EP300: variants seen among roughly 807,000 people sequenced by gnomAD.
EP300 encodes EP300 lysine acetyltransferase, also known as histone acetyltransferase p300.
In EP300, 31 loss-of-function variants were observed where a neutral mutation model predicts 264.0. That is an observed-to-expected ratio of 0.12 (90% CI 0.09 to 0.16). EP300 has a LOEUF of 0.16. EP300 is among the 10% of genes least tolerant of loss of function. EP300 has a pLI of 1.00. For missense variants in EP300, 2,766 were observed against 3,052.9 expected, an observed-to-expected ratio of 0.91 and a Z score of 2.21; for synonymous variants, 1,340 against 1,045.4, an observed-to-expected ratio of 1.28 and a Z score of -5.44.
chr22:41,163,985 G>T lies in EP300; in HGVS notation c.3729-68G>T, dbSNP rs1041891970. ...TTGGCTGTCTTTGTCAGAAGTCATG[G>T]GAAATATTGCAAGTTTTCATTTGGT... On this transcript the variant is annotated intron_variant, in intron 21 of 30. Transcript: ENST00000263253. 4.9e-6 allele frequency: 7 copies of T among 1,414,350 alleles called. No individual in the cohort carries two copies. The Admixed American group carries it at 6.7e-5, about 14-fold the overall frequency. 87.6% of individuals were successfully genotyped at this position (1,414,350 alleles called of 1,614,324 possible).
intron 1 of EP300, among the ~76,000 whole-genome samples, chr22:41,101,168 G>C (rs1465283754): frequency 6.6e-6 from 1 of 152,032 alleles, no homozygotes; most frequent in Non-Finnish European, 1.5e-5. Flanking sequence ...TCCATCTCCT[G>C]GGTTCAAGCT....
At position 41,178,022 on chromosome 22, in the gene EP300, C is replaced by G. The variant is rs138584705; in HGVS notation, c.6311C>G (p.Pro2104Arg). Residue 2104 changes from proline (P) to arginine (R), a missense_variant, in exon 31 of 31, where the codon CCT becomes CGT. By Grantham distance (103) the Pro-to-Arg change is moderately radical. Transcript: ENST00000263253. The stretch of plus-strand genomic sequence containing the variant: ...AATCCACAACCCATCCCTGGGCAGC[C>G]TGGCATGCCCCAGGGGCAGCCAGGG... ...NSNPQPIPGQ[P>R]GMPQGQPGLQ... The G allele has an allele frequency of 2.2e-5, 35 of 1,613,968 alleles. No homozygotes were observed. The Admixed American group carries it at 5.5e-4, about 25-fold the overall frequency.
At chr22:41,095,827 G>C (rs1307257833) in intron 1 of EP300, among the ~76,000 whole-genome samples, 2 of 151,976 alleles carry the variant, frequency 1.3e-5, no homozygotes, top group African/African-American at 2.4e-5. Flanking sequence ...CACCAAGAGC[G>C]TTCTAATGTC....
chr22:41,098,834 C>T (rs1201093353), intron 1 of EP300, among the ~76,000 whole-genome samples: 1 of 152,130 alleles, frequency 6.6e-6, no homozygotes, highest in African/African-American at 2.4e-5. Flanking sequence ...CCTGGCTCAA[C>T]CTCCTCACAT....
Position 41,147,911 on chromosome 22 carries a change from C to T in EP300, c.2206C>T (p.His736Tyr), listed in dbSNP as rs1405333535. The T allele has an allele frequency of 6.2e-7, 1 of 1,613,524 alleles. No individual in the cohort carries two copies. Among genetic ancestry groups the T allele is most frequent in the South Asian group, 1.1e-5 (1 of 91,016 alleles). ...VPRQTPPLQHHGQLAQPGALN... is the reference protein window; with the variant it reads ...VPRQTPPLQHYGQLAQPGALN... ...CCGGCAAACCCCTCCTCTTCAGCAC[C>T]ATGGACAGTTGGCTCAACCTGGAGC... The change falls in exon 12 of 31, where the codon CAT becomes TAT. Residue 736 changes from histidine to tyrosine, a missense_variant. Coordinates refer to ENST00000263253, the MANE Select transcript of EP300 (RefSeq NM_001429.4).
intron 2 of EP300, among the ~76,000 whole-genome samples, chr22:41,124,756 A>G (rs896213008): frequency 2.6e-4 from 39 of 152,340 alleles, no homozygotes; most frequent in Non-Finnish European, 4.0e-4. Flanking sequence ...AATGGAAATG[A>G]ATGGCAAACC....
At chr22:41,158,351 C>A in intron 18 of EP300, 61 bp from the exon 19 acceptor site, 1 of 1,381,924 alleles carries the variant, frequency 7.2e-7, no homozygotes, top group Non-Finnish European at 1.0e-6. Context: ...ACTTGCCATT[C>A]TTACTGTTCT....
intron 1 of EP300, among the ~76,000 whole-genome samples, chr22:41,094,859 G>C (rs1052953230): frequency 1.3e-5 from 2 of 152,068 alleles, no homozygotes; most frequent in Non-Finnish European, 2.9e-5. Flanking sequence ...TTTCGTCTTG[G>C]AGCTGTATTG....
intron 1 of EP300, among the ~76,000 whole-genome samples, chr22:41,114,638 C>T (rs1036245306): frequency 2.6e-5 from 4 of 152,088 alleles, no homozygotes; most frequent in Admixed American, 6.6e-5. Flanking sequence ...TGACCATGTG[C>T]TTACTATGTT....
Position 41,149,771 on chromosome 22 carries a change from C to T in EP300, c.2390C>T (p.Ser797Phe). Residue 797 changes from serine to phenylalanine, a missense_variant, in exon 14 of 31, where the codon TCT becomes TTT. Ser to Phe is a radical substitution (Grantham distance 155). Coordinates refer to ENST00000263253, the MANE Select transcript of EP300 (RefSeq NM_001429.4). ...TTTTTATTTTAACAGGCACAAATGT[C>T]TAGTTCTTCCTGCCCGGTGAACTCT... Reference protein sequence around the residue: ...GQAPVSQAQMSSSSCPVNSPI... With the variant: ...GQAPVSQAQMFSSSCPVNSPI... 1 of 1,614,076 alleles carries T rather than the reference C, an allele frequency of 6.2e-7. No homozygotes were observed. The highest frequency in any genetic ancestry group is 8.5e-7 in the Non-Finnish European group (1 of 1,180,002).
intron 19 of EP300, chr22:41,159,977 G>A (rs753616546): frequency 1.4e-5 from 2 of 143,592 alleles, no homozygotes; most frequent in Non-Finnish European, 3.0e-5. Flanking sequence ...CCTGGCAATG[G>A]TTGTTTTAGA....
chr22:41,171,693 G>T (rs1283108154), intron 27 of EP300, among the ~76,000 whole-genome samples: 7 of 151,006 alleles, frequency 4.6e-5, no homozygotes, highest in African/African-American at 9.8e-5. Flanking sequence ...GAGTGCAATG[G>T]TGCAGTCTCC....
At chr22:41,123,783 A>G (rs1358648587) in intron 2 of EP300, among the ~76,000 whole-genome samples, 1 of 152,180 alleles carries the variant, frequency 6.6e-6, no homozygotes, top group Non-Finnish European at 1.5e-5. Flanking sequence ...AGTTGACCCC[A>G]TTTTGAATTA....
chr22:41,157,541 T>G, intron 18 of EP300, 133 bp downstream of exon 18: 1 of 1,105,786 alleles, frequency 9.0e-7, no homozygotes, highest in Non-Finnish European at 1.3e-6. Flanking sequence ...TTTTCCTTTT[T>G]GACAGGGTCT....
In EP300 at chr22:41,162,846, G is replaced by C. The variant is rs532498911; in HGVS notation, c.3728+67G>C. 2.2e-6 allele frequency: 3 copies of C among 1,336,598 alleles called. No homozygotes were observed. The South Asian group carries it at 3.5e-5, about 16-fold the overall frequency. The allele number at this position is 1,336,598 out of a possible 1,614,324, so 82.8% of individuals were successfully genotyped here. ...TCTTTTTCCCTTTCATTCTCTTGAA[G>C]TTTGCATGACCAATCAGATGATCCT... On this transcript the variant is annotated intron_variant, in intron 21 of 30. Transcript: ENST00000263253.
At chr22:41,159,649 C>T (rs990937811) in intron 19 of EP300, 5 of 152,148 alleles carry the variant, frequency 3.3e-5, no homozygotes, top group African/African-American at 1.2e-4. Flanking sequence ...TATTTAACTG[C>T]TTGTGCAGGC....
At chr22:41,134,146 G>GT (rs2058936017) in intron 6 of EP300, among the ~76,000 whole-genome samples, 1 of 115,054 alleles carries the variant, frequency 8.7e-6, no homozygotes, top group South Asian at 2.8e-4. Context: ...TACTTGGTCT[G>GT]TTGATTTCAT....
Position 41,176,420 on chromosome 22 carries a change from C to T in EP300, c.4953C>T (p.Thr1651=), listed in dbSNP as rs151289849. The T allele has an allele frequency of 2.5e-6, 4 of 1,614,238 alleles. No individual in the cohort carries two copies. The highest frequency in any genetic ancestry group is 1.3e-5 in the African/African-American group (1 of 75,058). The change falls in exon 30 of 31, where the codon ACC becomes ACT. Residue 1651 remains threonine, a synonymous_variant. Coordinates refer to ENST00000263253, the MANE Select transcript of EP300 (RefSeq NM_001429.4). ...FSSLRRAQWS[T]MCMLVELHTQ... ...CACTCCGAAGAGCCCAGTGGTCCAC[C>T]ATGTGCATGCTGGTGGAGCTGCACA...
Position 41,126,033 on chromosome 22 carries a change from C to T in EP300, c.899C>T (p.Pro300Leu), listed in dbSNP as rs756328815. 5 of 1,613,862 alleles carry T rather than the reference C, an allele frequency of 3.1e-6. No individual in the cohort carries two copies. The African/African-American group carries it at 5.3e-5, about 17-fold the overall frequency. The change falls in exon 3 of 31, where the codon CCC becomes CTC. Residue 300 changes from proline (P) to leucine (L), a missense_variant. Coordinates refer to ENST00000263253, the MANE Select transcript of EP300 (RefSeq NM_001429.4). ...AAGGCAGTTCCTGGTGGAGGAATGC[C>T]CAACATGGTGAGTACTAATCCATTA... ...DKKAVPGGGM[P>L]NMGQQPAPQV...
Sources: allele counts gnomAD v4.1 joint callset (sites outside exome capture counted in the v4.1 genomes callset), GRCh38; gene constraint gnomAD v4.1.1; transcripts MANE v1.5; gene names NCBI Gene and HGNC (gene_info 2026-07-23, HGNC 2026-07-21).